Variants in CNOT10 observed in about 807,000 individuals in gnomAD.
The protein encoded by CNOT10 is CCR4-NOT transcription complex subunit 10, also known as CCR4-NOT transcription complex, subunit 10.
A neutral mutation model predicts 94.6 loss-of-function variants in CNOT10; 30 were observed. The ratio of observed to expected loss-of-function variants is 0.32; its 90% CI spans 0.24 to 0.43. The LOEUF (loss-of-function observed/expected upper bound fraction) is 0.43. CNOT10 is among the 20% of genes least tolerant of loss of function. The pLI is 1.00. For missense variants in CNOT10, 759 were observed against 877.2 expected, an observed-to-expected ratio of 0.87 and a Z score of 1.70; for synonymous variants, 289 against 301.6, an observed-to-expected ratio of 0.96 and a Z score of 0.43.
intron 1 of CNOT10, among the ~76,000 whole-genome samples, chr3:32,689,335 A>G (rs1194772668): frequency 6.6e-6 from 1 of 151,576 alleles, no homozygotes; most frequent in Non-Finnish European, 1.5e-5. Context: ...CCTGGGCAAC[A>G]AGAGCAAAAC....
intron 10 of CNOT10, among the ~76,000 whole-genome samples, chr3:32,728,224 G>T (rs539740671): frequency 6.6e-6 from 1 of 151,928 alleles, no homozygotes; most frequent in African/African-American, 2.4e-5. Context: ...TTGAACTCCC[G>T]ACCTTATGTG....
chr3:32,713,660 TCC>T (rs1020962795), intron 5 of CNOT10, among the ~76,000 whole-genome samples: 3 of 152,104 alleles, frequency 2.0e-5, no homozygotes, highest in Non-Finnish European at 4.4e-5. Flanking sequence ...ACTCCCCATT[TCC>T]CCCTTTCCTC....
chr3:32,739,359 T>C (rs1403289815), intron 13 of CNOT10, among the ~76,000 whole-genome samples: 3 of 152,232 alleles, frequency 2.0e-5, no homozygotes, highest in African/African-American at 4.8e-5. Flanking sequence ...CTTTATTTTA[T>C]TCTTCTACTA....
At chr3:32,758,024 A>C (rs574236550) in intron 13 of CNOT10, among the ~76,000 whole-genome samples, 1 of 152,340 alleles carries the variant, frequency 6.6e-6, no homozygotes, top group Non-Finnish European at 1.5e-5. Context: ...AGAAAATTAT[A>C]ATGTACAAGA....
chr3:32,734,946 CAG>C lies in CNOT10; in HGVS notation c.1489_1490del (p.Ser497GlnfsTer5). Reference sequence around the variant, plus strand: ...AATAGTAATCAATTAGGTGGGAACACAGAGAGCAGCGAAAGCAGTGAAACTTG... The same window carrying C: ...AATAGTAATCAATTAGGTGGGAACACAGAGCAGCGAAAGCAGTGAAACTTG... On this transcript the variant is annotated frameshift_variant, in exon 12 of 19. Coordinates refer to ENST00000328834, the MANE Select transcript of CNOT10 (RefSeq NM_015442.3). LOFTEE classifies it high-confidence loss of function. The C allele has an allele frequency of 6.2e-7, 1 of 1,613,904 alleles. No homozygotes were observed. Among genetic ancestry groups the C allele is most frequent in the Non-Finnish European group, 8.5e-7 (1 of 1,179,852 alleles).
intron 8 of CNOT10, among the ~76,000 whole-genome samples, chr3:32,724,243 C>CTTTT (rs376534412): frequency 1.7e-4 from 21 of 126,800 alleles, no homozygotes; most frequent in Non-Finnish European, 2.1e-4. Flanking sequence ...TGTTCTGTTC[C>CTTTT]TTTTTTTTTT....
intron 13 of CNOT10, among the ~76,000 whole-genome samples, chr3:32,751,367 A>G (rs771235938): frequency 6.6e-5 from 10 of 152,274 alleles, no homozygotes; most frequent in African/African-American, 1.2e-4. Flanking sequence ...CAGCCTCCCA[A>G]TGTGCTGAGA....
intron 9 of CNOT10, among the ~76,000 whole-genome samples, chr3:32,727,084 A>G (rs572083943): frequency 1.3e-5 from 2 of 152,058 alleles, no homozygotes; most frequent in East Asian, 3.9e-4. Flanking sequence ...TGACTTCGTG[A>G]TCTGCCCGCC....
intron 13 of CNOT10, among the ~76,000 whole-genome samples, chr3:32,757,170 A>ATTTTTTTTTTTTTTTTT (rs1173513009): frequency 1.3e-5 from 1 of 78,294 alleles, no homozygotes; most frequent in African/African-American, 5.6e-5. Flanking sequence ...CCCTGAACTA[A>ATTTTTTTTTTTTTTTTT]TTTTTTTTTT....
At chr3:32,770,707 T>C (rs971859726) in intron 18 of CNOT10, among the ~76,000 whole-genome samples, 18 of 147,800 alleles carry the variant, frequency 1.2e-4, no homozygotes, top group Non-Finnish European at 2.1e-4. Context: ...ATCAAATTCT[T>C]TTTTTTTTTT....
chr3:32,722,193 T>C (rs574027872), intron 8 of CNOT10, among the ~76,000 whole-genome samples: 2 of 152,324 alleles, frequency 1.3e-5, no homozygotes, highest in African/African-American at 4.8e-5. Flanking sequence ...CTTGTTTTTT[T>C]TGGATTCTAC....
chr3:32,772,354 A>G (rs1173506784), intron 18 of CNOT10, among the ~76,000 whole-genome samples: 1 of 152,062 alleles, frequency 6.6e-6, no homozygotes, highest in African/African-American at 2.4e-5. Context: ...GTCTCAAAAA[A>G]AAAAAGGGAC....
intron 13 of CNOT10, among the ~76,000 whole-genome samples, chr3:32,741,700 C>A (rs559941135): frequency 2.7e-4 from 41 of 149,312 alleles, no homozygotes; most frequent in Admixed American, 2.0e-3. Context: ...ACCCAGGAGG[C>A]AGAGGTTGTG....
In CNOT10 at chr3:32,685,339, C is replaced by A; in HGVS notation, c.-122C>A. On this transcript the variant is annotated 5_prime_UTR_variant, in exon 1 of 19. It adds an upstream start codon to the 5' untranslated region. Coordinates refer to ENST00000328834, the MANE Select transcript of CNOT10 (RefSeq NM_015442.3). Reference sequence around the variant, plus strand: ...GTCTGCCCACTCCTCTAGCCGGAACCTGGGGGCCCGGAGCCGGGGTAGGCA... The same window carrying A: ...GTCTGCCCACTCCTCTAGCCGGAACATGGGGGCCCGGAGCCGGGGTAGGCA... The A allele has an allele frequency of 8.3e-7, 1 of 1,199,198 alleles. No homozygotes were observed. Among genetic ancestry groups the A allele is most frequent in the Non-Finnish European group, 1.2e-6 (1 of 835,804 alleles). 74.3% of individuals were successfully genotyped at this position (1,199,198 alleles called of 1,614,324 possible).
intron 13 of CNOT10, chr3:32,753,155 A>G: frequency 1.6e-6 from 1 of 613,960 alleles, no homozygotes; most frequent in Non-Finnish European, 3.1e-6. Context: ...CACTATGTTG[A>G]GAAAAGGAAC....
intron 13 of CNOT10, among the ~76,000 whole-genome samples, chr3:32,756,751 G>A (rs1056867215): frequency 1.3e-5 from 2 of 152,222 alleles, no homozygotes; most frequent in Admixed American, 1.3e-4. Flanking sequence ...GGAAACCACA[G>A]ATGTGTGCTT....
intron 17 of CNOT10, among the ~76,000 whole-genome samples, chr3:32,768,595 AT>A: frequency 6.7e-6 from 1 of 149,840 alleles, no homozygotes; most frequent in Non-Finnish European, 1.5e-5. Context: ...AAAAAAAAAA[AT>A]CCACAAAATG....
intron 10 of CNOT10, chr3:32,730,962 T>C (rs1457183272): frequency 1.3e-5 from 2 of 152,210 alleles, no homozygotes; most frequent in Non-Finnish European, 2.9e-5. Context: ...TATTCTACGT[T>C]TTTTAGTTCC....
rs561180044 is a variant in CNOT10 at position 32,718,435 on chromosome 3, T to C, written c.744+1198T>C. Reference sequence around the variant, plus strand: ...CCATCTCTACTAAAAATACAAAAAATGAGCCGGGCGTGGTGGCGGGCGCCT... The same window carrying C: ...CCATCTCTACTAAAAATACAAAAAACGAGCCGGGCGTGGTGGCGGGCGCCT... On this transcript the variant is annotated intron_variant, in intron 7 of 18. Transcript: ENST00000328834. Among the ~76,000 whole-genome samples, 101 of 149,744 alleles carry C rather than the reference T, an allele frequency of 6.7e-4. No homozygotes were observed. The Middle Eastern group carries it at 0.01, about 15-fold the overall frequency.
Sources: gnomAD v4.1 joint callset for allele counts (sites outside exome capture counted in the v4.1 genomes callset) on GRCh38, gnomAD v4.1.1 for gene constraint, MANE v1.5 for transcripts, NCBI Gene and HGNC (gene_info 2026-07-23, HGNC 2026-07-21) for gene names.